The following CCSER1 variants were observed in gnomAD, a reference collection of about 807,000 sequenced individuals.
The protein encoded by CCSER1 is serine-rich coiled-coil domain-containing protein 1.
A neutral mutation model predicts 82.0 loss-of-function variants in CCSER1; 41 were observed. The ratio of observed to expected loss-of-function variants is 0.50; its 90% CI spans 0.39 to 0.65. The LOEUF (loss-of-function observed/expected upper bound fraction) is 0.65, where lower values mean the gene tolerates loss of function less well. Ranked by LOEUF, CCSER1 falls within the 30% of genes least tolerant of loss-of-function variation. The pLI is 0.00. For missense variants in CCSER1, 1,119 were observed against 1,064.2 expected, an observed-to-expected ratio of 1.05 and a Z score of -0.72; for synonymous variants, 414 against 383.9, an observed-to-expected ratio of 1.08 and a Z score of -0.92.
At chr4:90,465,223 A>G (rs544546172) in intron 4 of CCSER1, among the ~76,000 whole-genome samples, 168 of 152,036 alleles carry the variant, frequency 1.1e-3, no homozygotes, top group African/African-American at 4.0e-3. Context: ...CTGCCTCCCA[A>G]AGTGCTGGGA....
intron 7 of CCSER1, among the ~76,000 whole-genome samples, chr4:90,727,527 A>G (rs1743876966): frequency 6.6e-6 from 1 of 152,116 alleles, no homozygotes; most frequent in South Asian, 2.1e-4. Context: ...CAAACATCTA[A>G]TCACTTCCTA....
chr4:90,740,079 T>A, intron 7 of CCSER1, among the ~76,000 whole-genome samples: 1 of 152,188 alleles, frequency 6.6e-6, no homozygotes, highest in East Asian at 1.9e-4. Flanking sequence ...CTCAATGCTA[T>A]TTTAATTTCC....
At chr4:90,372,936 T>C (rs367575642) in intron 3 of CCSER1, among the ~76,000 whole-genome samples, 1 of 149,788 alleles carries the variant, frequency 6.7e-6, no homozygotes, top group Admixed American at 6.6e-5. Flanking sequence ...ACTAAAGAAA[T>C]AAAAGGATAA....
intron 10 of CCSER1, among the ~76,000 whole-genome samples, chr4:91,182,323 AT>A: frequency 6.6e-6 from 1 of 152,104 alleles, no homozygotes. Context: ...TATTTTACCT[AT>A]TTCCCAAATT....
chr4:90,140,339 T>C (rs1211138825), intron 1 of CCSER1, among the ~76,000 whole-genome samples: 1 of 152,168 alleles, frequency 6.6e-6, no homozygotes, highest in Non-Finnish European at 1.5e-5. Context: ...GAATCCTCAG[T>C]ACTCACTCAA....
chr4:90,520,098 A>G (rs1054274820), intron 5 of CCSER1, among the ~76,000 whole-genome samples: 3 of 152,182 alleles, frequency 2.0e-5, no homozygotes, highest in African/African-American at 7.2e-5. Context: ...TATAGATTAA[A>G]GTGATATCAT....
chr4:90,357,584 G>A (rs948277225), intron 3 of CCSER1, among the ~76,000 whole-genome samples: 6 of 151,930 alleles, frequency 3.9e-5, no homozygotes, highest in African/African-American at 1.2e-4. Flanking sequence ...TGACTCTGAA[G>A]GATTTTAGCT....
intron 10 of CCSER1, among the ~76,000 whole-genome samples, chr4:91,512,925 T>C (rs1001095022): frequency 1.3e-5 from 2 of 152,160 alleles, no homozygotes; most frequent in Admixed American, 1.3e-4. Context: ...ACAGTTTGAC[T>C]TCTTCTTTTC....
intron 10 of CCSER1, among the ~76,000 whole-genome samples, chr4:91,536,307 A>T (rs1000285402): frequency 6.6e-6 from 1 of 152,122 alleles, no homozygotes; most frequent in South Asian, 2.1e-4. Flanking sequence ...GGGTATACAT[A>T]TTCATAATTT....
intron 6 of CCSER1, among the ~76,000 whole-genome samples, chr4:90,670,049 C>T (rs1444342544): frequency 6.6e-6 from 1 of 152,100 alleles, no homozygotes; most frequent in African/African-American, 2.4e-5. Flanking sequence ...CAATTATGAT[C>T]TCTAGCTTGC....
chr4:90,272,890 C>T (rs1377050217), intron 1 of CCSER1, among the ~76,000 whole-genome samples: 4 of 152,162 alleles, frequency 2.6e-5, no homozygotes, highest in African/African-American at 4.8e-5. Flanking sequence ...GTAATCCCAG[C>T]TACTCGGGAG....
chr4:90,414,469 A>T (rs192820522), intron 4 of CCSER1, among the ~76,000 whole-genome samples: 32 of 152,234 alleles, frequency 2.1e-4, no homozygotes, highest in Admixed American at 1.1e-3. Context: ...TTCTCCTTTA[A>T]ATAAATAATT....
In CCSER1 at chr4:91,188,798, A is replaced by G. The variant is rs1734775734; in HGVS notation, c.2217+102804A>G. Among the ~76,000 whole-genome samples, 4 of 152,214 alleles carry G rather than the reference A, an allele frequency of 2.6e-5. No individual in the cohort carries two copies. In the South Asian group the frequency reaches 8.3e-4, roughly 31 times the overall value. On this transcript the variant is annotated intron_variant, in intron 10 of 10. Coordinates refer to ENST00000509176, the MANE Select transcript of CCSER1 (RefSeq NM_001145065.2). ...ACTCATACTGAGAAAATGTAGACAT[A>G]GCAAAATGTTAACTGGGCTATATGC...
At chr4:91,595,549 G>T (rs1480656077) in intron 10 of CCSER1, among the ~76,000 whole-genome samples, 1 of 151,974 alleles carries the variant, frequency 6.6e-6, no homozygotes, top group Non-Finnish European at 1.5e-5. Flanking sequence ...TGTGATTAAG[G>T]TAACTACATT....
intron 1 of CCSER1, among the ~76,000 whole-genome samples, chr4:90,268,517 G>A (rs1725660391): frequency 1.3e-5 from 2 of 151,588 alleles, no homozygotes; most frequent in South Asian, 4.2e-4. Context: ...CAAGCCTCAT[G>A]GTAATCTCAA....
chr4:90,381,387 T>C lies in CCSER1; in HGVS notation c.1510-18649T>C, dbSNP rs28505701. 7.7e-3 allele frequency among the ~76,000 whole-genome samples: 1,180 copies of C among 152,322 alleles called. 12 individuals carry two copies. The highest frequency in any genetic ancestry group is 0.027 in the African/African-American group (1,137 of 41,574). On this transcript the variant is annotated intron_variant, in intron 3 of 10. Coordinates refer to ENST00000509176, the MANE Select transcript of CCSER1 (RefSeq NM_001145065.2). ...AGAATATTTTGGAACTAATGGTATA[T>C]TTTACGGGAAAATGGTGAAAACAAC...
intron 10 of CCSER1, among the ~76,000 whole-genome samples, chr4:91,372,821 A>G (rs1190654907): frequency 6.6e-6 from 1 of 152,120 alleles, no homozygotes; most frequent in African/African-American, 2.4e-5. Context: ...ACTCTGAGTA[A>G]GAGACAAACC....
intron 10 of CCSER1, among the ~76,000 whole-genome samples, chr4:91,186,718 A>G (rs1214010812): frequency 1.3e-5 from 2 of 152,166 alleles, no homozygotes; most frequent in Admixed American, 1.3e-4. Flanking sequence ...TAAATTAACT[A>G]AAAGTATCCC....
At chr4:91,198,778 G>A (rs931246357) in intron 10 of CCSER1, among the ~76,000 whole-genome samples, 6 of 152,122 alleles carry the variant, frequency 3.9e-5, no homozygotes, top group African/African-American at 1.4e-4. Flanking sequence ...TGCCAATTAA[G>A]ACTTTTAGTT....
Sources: gnomAD v4.1 joint callset for allele counts (sites outside exome capture counted in the v4.1 genomes callset) on GRCh38, gnomAD v4.1.1 for gene constraint, MANE v1.5 for transcripts, NCBI Gene and HGNC (gene_info 2026-07-23, HGNC 2026-07-21) for gene names.